PDLIM1: variants seen among roughly 807,000 people sequenced by gnomAD.
PDLIM1 encodes the protein PDZ and LIM domain 1, also known as PDZ and LIM domain protein 1.
Under a neutral mutation model 35.2 loss-of-function variants are expected in PDLIM1, and 25 were observed. The ratio of observed to expected loss-of-function variants is 0.71; its 90% CI spans 0.52 to 0.99. The LOEUF (loss-of-function observed/expected upper bound fraction) is 0.99, where lower values mean the gene tolerates loss of function less well. Among genes scored for constraint, PDLIM1 ranks in the 50% least tolerant of loss-of-function variants. The probability of loss-of-function intolerance (pLI) is 0.00; values close to 1 mark genes in which losing one functional copy is unlikely to be tolerated. For missense variants in PDLIM1, 363 were observed against 415.3 expected, an observed-to-expected ratio of 0.87 and a Z score of 1.09; for synonymous variants, 152 against 154.0, an observed-to-expected ratio of 0.99 and a Z score of 0.10.
intron 4 of PDLIM1, among the ~76,000 whole-genome samples, chr10:95,247,945 G>A (rs532671018): frequency 2.0e-5 from 3 of 152,368 alleles, no homozygotes; most frequent in South Asian, 2.1e-4. Context: ...GATGGGACAC[G>A]CAAGTGCTTT....
chr10:95,280,105 G>T (rs1014031214), intron 1 of PDLIM1, among the ~76,000 whole-genome samples: 1 of 152,186 alleles, frequency 6.6e-6, no homozygotes, highest in Non-Finnish European at 1.5e-5. Flanking sequence ...GCCAGGCATG[G>T]TGGCTCACAC....
chr10:95,282,229 C>T (rs1175967050), intron 1 of PDLIM1, among the ~76,000 whole-genome samples: 1 of 152,200 alleles, frequency 6.6e-6, no homozygotes, highest in Non-Finnish European at 1.5e-5. Flanking sequence ...CAGGACCCAG[C>T]TCTGTAGGAT....
intron 4 of PDLIM1, among the ~76,000 whole-genome samples, chr10:95,253,006 G>C (rs959434472): frequency 2.0e-5 from 3 of 151,990 alleles, no homozygotes; most frequent in African/African-American, 7.2e-5. Context: ...CCTAAATTTG[G>C]CAAAAGACAT....
At chr10:95,289,263 G>T (rs556187411) in intron 1 of PDLIM1, among the ~76,000 whole-genome samples, 1 of 152,336 alleles carries the variant, frequency 6.6e-6, no homozygotes, top group African/African-American at 2.4e-5. Flanking sequence ...GTCCTCCCTG[G>T]ACAAGCATTT....
At chr10:95,272,908 G>A (rs1320793780) in intron 1 of PDLIM1, 1 of 152,064 alleles carries the variant, frequency 6.6e-6, no homozygotes, top group Non-Finnish European at 1.5e-5. Context: ...AAATTCACCT[G>A]CCTACAGAGC....
Position 95,271,633 on chromosome 10 carries a change from C to A in PDLIM1, c.248G>T (p.Arg83Ile). Residue 83 changes from arginine to isoleucine, a missense_variant and splice_region_variant, in exon 2 of 7, where the codon AGA becomes ATA. Coordinates refer to ENST00000329399, the MANE Select transcript of PDLIM1 (RefSeq NM_020992.4). ...AACAAAACGTTTCCATAGGCTTCAC[C>A]TGGCTACAGTGAGAGTCAAGTTGTC... Reference protein sequence around the residue: ...CTDNLTLTVARSEHKVWSPLV... With the variant: ...CTDNLTLTVAISEHKVWSPLV... 1.3e-6 allele frequency: 2 copies of A among 1,597,676 alleles called. No individual in the cohort carries two copies. Among genetic ancestry groups the A allele is most frequent in the Non-Finnish European group, 1.7e-6 (2 of 1,175,940 alleles).
intron 1 of PDLIM1, among the ~76,000 whole-genome samples, chr10:95,276,572 T>G (rs1393584934): frequency 6.6e-6 from 1 of 152,166 alleles, no homozygotes; most frequent in Non-Finnish European, 1.5e-5. Flanking sequence ...CAAACACTAT[T>G]TATCACAATC....
At chr10:95,238,245 G>A in intron 6 of PDLIM1, 134 bp from the exon 7 acceptor site, 1 of 743,906 alleles carries the variant, frequency 1.3e-6, no homozygotes, top group Non-Finnish European at 2.2e-6. Flanking sequence ...GGAAACCAGG[G>A]CCTCCCAACT....
At chr10:95,278,521 G>A (rs1379013767) in intron 1 of PDLIM1, among the ~76,000 whole-genome samples, 2 of 151,962 alleles carry the variant, frequency 1.3e-5, no homozygotes, top group African/African-American at 4.8e-5. Context: ...GGGGCCTAAA[G>A]GTGGAATCAC....
At chr10:95,253,279 A>G (rs2035283123) in intron 4 of PDLIM1, among the ~76,000 whole-genome samples, 1 of 152,246 alleles carries the variant, frequency 6.6e-6, no homozygotes. Context: ...TCCAGTGGAA[A>G]TATCCTTCAA....
chr10:95,240,323 G>A (rs558965518), intron 5 of PDLIM1, among the ~76,000 whole-genome samples: 294 of 152,320 alleles, frequency 1.9e-3, no homozygotes, highest in African/African-American at 6.9e-3. Context: ...AAAAAGGAAC[G>A]AGATCTTGTC....
chr10:95,266,790 T>C (rs2035421119), intron 3 of PDLIM1, among the ~76,000 whole-genome samples: 1 of 152,196 alleles, frequency 6.6e-6, no homozygotes. Context: ...AAAAGGAATA[T>C]CTCTACCCTC....
At chr10:95,266,660 C>T (rs1294986083) in intron 3 of PDLIM1, among the ~76,000 whole-genome samples, 1 of 152,120 alleles carries the variant, frequency 6.6e-6, no homozygotes, top group Non-Finnish European at 1.5e-5. Context: ...GGTCTGTTCC[C>T]TTCTCCCTCC....
At chr10:95,265,503 G>A (rs45602732) in intron 3 of PDLIM1, among the ~76,000 whole-genome samples, 3 of 149,722 alleles carry the variant, frequency 2.0e-5, no homozygotes, top group Non-Finnish European at 2.9e-5. Flanking sequence ...GCTGAGGCAG[G>A]AGAATCTCTT....
intron 2 of PDLIM1, among the ~76,000 whole-genome samples, chr10:95,269,187 T>C (rs530036748): frequency 4.6e-5 from 7 of 152,332 alleles, no homozygotes; most frequent in Admixed American, 2.6e-4. Flanking sequence ...CTGCTCAGGA[T>C]AGAATGGGCT....
At chr10:95,266,997 T>A (rs983045981) in intron 3 of PDLIM1, among the ~76,000 whole-genome samples, 4 of 152,212 alleles carry the variant, frequency 2.6e-5, no homozygotes, top group African/African-American at 9.7e-5. Context: ...AACCAACAGA[T>A]CTTTTTATTA....
At chr10:95,268,516 G>A (rs2035433971) in intron 3 of PDLIM1, among the ~76,000 whole-genome samples, 1 of 152,206 alleles carries the variant, frequency 6.6e-6, no homozygotes, top group African/African-American at 2.4e-5. Flanking sequence ...CACGCAGGAA[G>A]GCTTCCACCG....
At chr10:95,287,836 T>C (rs1207168648) in intron 1 of PDLIM1, among the ~76,000 whole-genome samples, 6 of 151,714 alleles carry the variant, frequency 4.0e-5, no homozygotes, top group Non-Finnish European at 8.8e-5. Flanking sequence ...CTATGTCCAC[T>C]TAAAGTTGGA....
chr10:95,264,105 A>C, intron 3 of PDLIM1, 42 bp from the exon 4 acceptor site: 1 of 1,536,824 alleles, frequency 6.5e-7, no homozygotes, highest in Non-Finnish European at 9.0e-7. Context: ...GGGGCATCCA[A>C]TGCAAACCCC....
Sources: gnomAD v4.1 joint callset for allele counts (sites outside exome capture counted in the v4.1 genomes callset) on GRCh38, gnomAD v4.1.1 for gene constraint, MANE v1.5 for transcripts, NCBI Gene and HGNC (gene_info 2026-07-23, HGNC 2026-07-21) for gene names.